The following NXPH1 variants were observed in gnomAD, a reference collection of about 807,000 sequenced individuals.
NXPH1 encodes neurexophilin 1.
In NXPH1, 5 loss-of-function variants were observed where a neutral mutation model predicts 23.7. That is an observed-to-expected ratio of 0.21 (90% CI 0.11 to 0.44). The LOEUF (loss-of-function observed/expected upper bound fraction) is 0.44, where lower values mean the gene tolerates loss of function less well. Among genes scored for constraint, NXPH1 ranks in the 20% least tolerant of loss-of-function variants. The pLI, the probability that NXPH1 is intolerant of heterozygous loss-of-function variation, is 0.99. For synonymous variants in NXPH1, 144 were observed against 122.2 expected (o/e 1.18, Z -1.18); for missense variants, 324 against 321.6 (o/e 1.01, Z -0.06).
rs527430241 is a variant in NXPH1 at position 8,659,938 on chromosome 7, T to C, written c.55-91070T>C. ...GTGAATGATTGTGCAGATAAACAAT[T>C]TGGGGACATTTCATAATACAGAGAG... On this transcript the variant is annotated intron_variant, in intron 2 of 2. Coordinates refer to ENST00000405863, the MANE Select transcript of NXPH1 (RefSeq NM_152745.3). Among the ~76,000 whole-genome samples the C allele has an allele frequency of 2.6e-5, 4 of 152,254 alleles. No homozygotes were observed. The East Asian group carries it at 5.8e-4, about 22-fold the overall frequency.
At chr7:8,737,943 A>G (rs929089017) in intron 2 of NXPH1, among the ~76,000 whole-genome samples, 9 of 152,184 alleles carry the variant, frequency 5.9e-5, no homozygotes, top group African/African-American at 2.2e-4. Flanking sequence ...ATACTCGTGT[A>G]TGTTTCATGA....
chr7:8,575,992 A>G (rs1445182378), intron 2 of NXPH1, among the ~76,000 whole-genome samples: 4 of 152,156 alleles, frequency 2.6e-5, no homozygotes, highest in Non-Finnish European at 4.4e-5. Flanking sequence ...GAGAGATTTT[A>G]TCATCTGTAA....
At chr7:8,733,340 T>G (rs1331143128) in intron 2 of NXPH1, among the ~76,000 whole-genome samples, 2 of 152,198 alleles carry the variant, frequency 1.3e-5, no homozygotes, top group Non-Finnish European at 2.9e-5. Flanking sequence ...AATAAACATA[T>G]GCATGTATGT....
chr7:8,440,483 T>C (rs771168120), intron 2 of NXPH1, among the ~76,000 whole-genome samples: 2 of 152,250 alleles, frequency 1.3e-5, no homozygotes, highest in African/African-American at 2.4e-5. Context: ...CTTTGAATTG[T>C]TGACGGCTAT....
rs1344102569 is a variant in NXPH1 at position 8,442,113 on chromosome 7, CG to C, written c.54+6348del. Among the ~76,000 whole-genome samples, 4 of 152,044 alleles carry C rather than the reference CG, an allele frequency of 2.6e-5. No individual in the cohort carries two copies. The highest frequency in any genetic ancestry group is 5.9e-5 in the Non-Finnish European group (4 of 68,014). On this transcript the variant is annotated intron_variant, in intron 2 of 2. Transcript: ENST00000405863. The surrounding 1 kb of genome is among the most constrained non-coding windows in gnomAD (Gnocchi z 4.6). ...CAAGACAGTAGCTCCTCTCGGGCCACGGCTTACGAAAAGCTTTCCTAGCTCC... is the reference window on the plus strand; with the variant it reads ...CAAGACAGTAGCTCCTCTCGGGCCACGCTTACGAAAAGCTTTCCTAGCTCC...
chr7:8,688,249 G>A (rs1821176147), intron 2 of NXPH1, among the ~76,000 whole-genome samples: 2 of 152,030 alleles, frequency 1.3e-5, no homozygotes, highest in South Asian at 4.1e-4. Flanking sequence ...TCAGAAACTT[G>A]ATAAACAGAA....
At chr7:8,438,047 C>T (rs914407205) in intron 2 of NXPH1, among the ~76,000 whole-genome samples, 1 of 152,138 alleles carries the variant, frequency 6.6e-6, no homozygotes, top group Admixed American at 6.5e-5. Context: ...GATTGTAATC[C>T]CATGGATATT....
intron 2 of NXPH1, among the ~76,000 whole-genome samples, chr7:8,498,199 T>G (rs891647763): frequency 2.6e-5 from 4 of 152,060 alleles, no homozygotes; most frequent in African/African-American, 4.8e-5. Flanking sequence ...AGCTTCATTT[T>G]GAAAGGATAT....
chr7:8,522,929 T>C (rs1817797430), intron 2 of NXPH1, among the ~76,000 whole-genome samples: 1 of 152,228 alleles, frequency 6.6e-6, no homozygotes, highest in Admixed American at 6.5e-5. Context: ...GCATTGGCTA[T>C]GGAGACAGAT....
At chr7:8,699,276 A>G (rs1365586277) in intron 2 of NXPH1, among the ~76,000 whole-genome samples, 1 of 152,134 alleles carries the variant, frequency 6.6e-6, no homozygotes, top group Admixed American at 6.6e-5. Flanking sequence ...GGTTAGATAA[A>G]TGCTTCAGGA....
At position 8,751,637 on chromosome 7, in the gene NXPH1, C is replaced by G. The variant is rs751247477; in HGVS notation, c.684C>G (p.Ser228=). The G allele has an allele frequency of 6.2e-7, 1 of 1,613,368 alleles. No individual in the cohort carries two copies. Among genetic ancestry groups the G allele is most frequent in the Non-Finnish European group, 8.5e-7 (1 of 1,179,712 alleles). ...CYQEQTQSHV[S]WLCSKPFKVI... is the part of the protein sequence containing the mutation. Reference sequence around the variant, plus strand: ...AGGAGCAAACCCAAAGTCATGTATCCTGGCTCTGCTCCAAGCCCTTTAAGG... The same window carrying G: ...AGGAGCAAACCCAAAGTCATGTATCGTGGCTCTGCTCCAAGCCCTTTAAGG... The change falls in exon 3 of 3, where the codon TCC becomes TCG. Residue 228 remains serine (S), a synonymous_variant. Transcript: ENST00000405863. The surrounding 1 kb of genome is among the most constrained non-coding windows in gnomAD (Gnocchi z 4.5).
chr7:8,653,729 G>A (rs1820526039), intron 2 of NXPH1, among the ~76,000 whole-genome samples: 1 of 152,066 alleles, frequency 6.6e-6, no homozygotes, highest in Admixed American at 6.6e-5. Flanking sequence ...TGCTTCTTTG[G>A]GTAATTTACT....
intron 2 of NXPH1, among the ~76,000 whole-genome samples, chr7:8,598,549 A>G (rs1819280359): frequency 6.6e-6 from 1 of 152,146 alleles, no homozygotes; most frequent in Admixed American, 6.6e-5. Flanking sequence ...TAACTAAGGA[A>G]CAATTAGGAT....
chr7:8,570,007 C>T (rs1216746421), intron 2 of NXPH1, among the ~76,000 whole-genome samples: 1 of 151,812 alleles, frequency 6.6e-6, no homozygotes, highest in African/African-American at 2.4e-5. Context: ...TGGTACAATG[C>T]CCAGCATTCA....
chr7:8,668,468 G>A (rs1037935527), intron 2 of NXPH1, among the ~76,000 whole-genome samples: 3 of 152,196 alleles, frequency 2.0e-5, no homozygotes, highest in African/African-American at 7.2e-5. Flanking sequence ...TGATTCTTGG[G>A]TTCAGCAGGT....
At position 8,652,703 on chromosome 7, in the gene NXPH1, C is replaced by A. The variant is rs144963597; in HGVS notation, c.55-98305C>A. Among the ~76,000 whole-genome samples, 94 of 152,190 alleles carry A rather than the reference C, an allele frequency of 6.2e-4. No homozygotes were observed. The East Asian group carries it at 0.014, about 23-fold the overall frequency. ...TTGAATTAATCTCTATTTTCTTTAA[C>A]CGAGGTATTTTTCCTCATTATCACA... On this transcript the variant is annotated intron_variant, in intron 2 of 2. Transcript: ENST00000405863.
intron 2 of NXPH1, among the ~76,000 whole-genome samples, chr7:8,487,943 C>T (rs532055767): frequency 6.6e-5 from 10 of 152,114 alleles, no homozygotes; most frequent in South Asian, 4.1e-4. Flanking sequence ...CATAGAATAA[C>T]GTATTAAAGA....
chr7:8,640,857 G>T (rs1583210543), intron 2 of NXPH1, among the ~76,000 whole-genome samples: 1 of 152,170 alleles, frequency 6.6e-6, no homozygotes, highest in East Asian at 1.9e-4. Context: ...ATGGGGCTGG[G>T]GCTGTTGGAT....
intron 2 of NXPH1, among the ~76,000 whole-genome samples, chr7:8,595,638 T>C (rs756734639): frequency 3.3e-5 from 5 of 152,084 alleles, no homozygotes; most frequent in Non-Finnish European, 7.4e-5. Flanking sequence ...CTTCTGACAA[T>C]TTGTGAAAGT....
Sources: allele counts gnomAD v4.1 joint callset (sites outside exome capture counted in the v4.1 genomes callset), GRCh38; gene constraint gnomAD v4.1.1; non-coding constraint Gnocchi (gnomAD v3.1); transcripts MANE v1.5; gene names NCBI Gene and HGNC (gene_info 2026-07-23, HGNC 2026-07-21).